Variants in SNAI1 observed in about 807,000 individuals in gnomAD.
SNAI1 encodes the protein zinc finger protein SNAI1.
In SNAI1, 15 loss-of-function variants were observed where a neutral mutation model predicts 24.7. That is an observed-to-expected ratio of 0.61 (90% CI 0.41 to 0.93). The LOEUF (loss-of-function observed/expected upper bound fraction) is 0.93, where lower values mean the gene tolerates loss of function less well. SNAI1 is among the 40% of genes least tolerant of loss of function. The pLI is 0.00. For missense variants in SNAI1, 283 were observed against 336.7 expected (o/e 0.84, Z 1.25); for synonymous variants, 163 against 142.9 (o/e 1.14, Z -1.00).
rs145342464 is a variant in SNAI1 at position 49,983,137 on chromosome 20, T to C, written c.78T>C (p.Asn26=). 6 of 1,612,424 alleles carry C rather than the reference T, an allele frequency of 3.7e-6. No individual in the cohort carries two copies. The highest frequency in any genetic ancestry group is 4.2e-6 in the Non-Finnish European group (5 of 1,179,012). The change falls in exon 1 of 3, where the codon AAT becomes AAC. Residue 26 remains asparagine, a synonymous_variant. Coordinates refer to ENST00000244050, the MANE Select transcript of SNAI1 (RefSeq NM_005985.4). The stretch of plus-strand genomic sequence containing the variant: ...ACTACAGCGAGCTGCAGGACTCTAA[T>C]CCAGGTGCGTTGGAGGGGTTCTGGG... ...KPNYSELQDS[N]PEFTFQQPYD...
At chr20:49,985,940 C>T (rs954477181) in intron 2 of SNAI1, among the ~76,000 whole-genome samples, 1 of 152,192 alleles carries the variant, frequency 6.6e-6, no homozygotes, top group Non-Finnish European at 1.5e-5. Flanking sequence ...TGCACACAGC[C>T]CCCGCCCCCA....
rs372650135 is a variant in SNAI1 at position 49,987,827 on chromosome 20, C to T, written c.611-45C>T. 2.4e-4 allele frequency: 381 copies of T among 1,575,092 alleles called. No homozygotes were observed. In the South Asian group the frequency reaches 3.5e-3, roughly 15 times the overall value. ...GGGAGGGATTCCCATCACTGCCAGC[C>T]GTTGTCCCACGGCTCACTCGGCCTT... On this transcript the variant is annotated intron_variant, in intron 2 of 2. Coordinates refer to ENST00000244050, the MANE Select transcript of SNAI1 (RefSeq NM_005985.4).
rs2078326927 is a variant in SNAI1, at chr20:49,984,220, A to G, written c.479A>G (p.Asn160Ser). 2.5e-6 allele frequency: 4 copies of G among 1,614,228 alleles called. No individual in the cohort carries two copies. Among genetic ancestry groups the G allele is most frequent in the African/African-American group, 1.3e-5 (1 of 75,066 alleles). The change falls in exon 2 of 3, where the codon AAC (asparagine) becomes AGC (serine). Residue 160 changes from asparagine (N) to serine (S), a missense_variant. Asn to Ser is a conservative substitution (Grantham distance 46). Transcript: ENST00000244050. ...ARKAFNCKYCNKEYLSLGALK... is the reference protein window; with the variant it reads ...ARKAFNCKYCSKEYLSLGALK... ...AAGGCCTTCAACTGCAAATACTGCA[A>G]CAAGGAATACCTCAGCCTGGGTGCC...
chr20:49,988,160 T>C lies in SNAI1; in HGVS notation c.*104T>C, dbSNP rs2078340281. 9.7e-7 allele frequency: 1 copy of C among 1,030,534 alleles called. No homozygotes were observed. Among genetic ancestry groups the C allele is most frequent in the Non-Finnish European group, 1.4e-6 (1 of 712,522 alleles). The allele number at this position is 1,030,534 out of a possible 1,614,324, so 63.8% of individuals were successfully genotyped here. ...TCCTTCTCACTGCCATGGAATTCCC[T>C]CCTGAGTGCCCCACTTCTGGCCACA... On this transcript the variant is annotated 3_prime_UTR_variant, in exon 3 of 3. Transcript: ENST00000244050.
At chr20:49,984,750 TTC>T (rs2078328743) in intron 2 of SNAI1, among the ~76,000 whole-genome samples, 2 of 152,264 alleles carry the variant, frequency 1.3e-5, no homozygotes, top group Non-Finnish European at 2.9e-5. Context: ...TTTGAGAACT[TTC>T]TCAAAACTTA....
rs1383387764 is a variant in SNAI1 at position 49,987,879 on chromosome 20, G to A, written c.618G>A (p.Lys206=). The change falls in exon 3 of 3, where the codon AAG becomes AAA. Residue 206 remains lysine, a synonymous_variant. Coordinates refer to ENST00000244050, the MANE Select transcript of SNAI1 (RefSeq NM_005985.4). ...QGHVRTHTGE[K]PFSCPHCSRA... ...CTGGCGTTCTCTCCCCAGGCGAGAA[G>A]CCCTTCTCCTGTCCCCACTGCAGCC... The A allele has an allele frequency of 1.2e-6, 2 of 1,613,898 alleles. No individual in the cohort carries two copies. Among genetic ancestry groups the A allele is most frequent in the African/African-American group, 1.3e-5 (1 of 74,910 alleles).
rs778997862 is a variant in SNAI1 at position 49,983,950 on chromosome 20, A to C, written c.209A>C (p.Gln70Pro). ...GACTCTGTCCTGGCGCCCCAAGCCCAGCCAATTGCCTGGGCCTCCCTTCGG... is the reference window on the plus strand; with the variant it reads ...GACTCTGTCCTGGCGCCCCAAGCCCCGCCAATTGCCTGGGCCTCCCTTCGG... ...IWDSVLAPQA[Q>P]PIAWASLRLQ... Residue 70 changes from glutamine to proline, a missense_variant, in exon 2 of 3, where the codon CAG becomes CCG. Gln to Pro is a moderately conservative substitution (Grantham distance 76). Coordinates refer to ENST00000244050, the MANE Select transcript of SNAI1 (RefSeq NM_005985.4). 133 of 1,613,098 alleles carry C rather than the reference A, an allele frequency of 8.2e-5. No individual in the cohort carries two copies. The highest frequency in any genetic ancestry group is 1.1e-4 in the Non-Finnish European group (129 of 1,179,872).
At position 49,988,422 on chromosome 20, in the gene SNAI1, C is replaced by G. The variant is rs2078341115; in HGVS notation, c.*366C>G. On this transcript the variant is annotated 3_prime_UTR_variant, in exon 3 of 3. Transcript: ENST00000244050. ...CTCACTGGGAAGCTCCCACCCCACT[C>G]AGGGGACCCCACTCCCCTCACACAC... 1 of 183,220 alleles carries G rather than the reference C, an allele frequency of 5.5e-6. No homozygotes were observed. Among genetic ancestry groups the G allele is most frequent in the South Asian group, 1.7e-4 (1 of 5,890 alleles). 11.3% of individuals were successfully genotyped at this position (183,220 alleles called of 1,614,324 possible).
Position 49,988,061 on chromosome 20 carries a change from C to T in SNAI1, c.*5C>T, listed in dbSNP as rs371503562. Reference sequence around the variant, plus strand: ...TGCTCAGGATGTCCCCGCTGACCCTCGAGGCTCCCTCTTCCTCTCCATACC... The same window carrying T: ...TGCTCAGGATGTCCCCGCTGACCCTTGAGGCTCCCTCTTCCTCTCCATACC... On this transcript the variant is annotated 3_prime_UTR_variant, in exon 3 of 3. Transcript: ENST00000244050. The T allele has an allele frequency of 1.5e-5, 24 of 1,583,648 alleles. No individual in the cohort carries two copies. Among genetic ancestry groups the T allele is most frequent in the Admixed American group, 8.6e-5 (5 of 58,308 alleles).
At chr20:49,984,484 G>A in intron 2 of SNAI1, 133 bp downstream of exon 2, 1 of 940,180 alleles carries the variant, frequency 1.1e-6, no homozygotes, top group African/African-American at 1.7e-5. Flanking sequence ...AAGTTCCAGG[G>A]CCTGGCTCTC....
chr20:49,985,010 TAG>T (rs11470421), intron 2 of SNAI1, among the ~76,000 whole-genome samples: 42,323 of 151,964 alleles, frequency 0.28, 9,776 homozygotes, highest in African/African-American at 0.64. Flanking sequence ...GCATATGTTT[TAG>T]AGAGTGGCTG....
At chr20:49,984,592 C>G (rs1017887381) in intron 2 of SNAI1, among the ~76,000 whole-genome samples, 2 of 152,320 alleles carry the variant, frequency 1.3e-5, no homozygotes, top group Non-Finnish European at 2.9e-5. Context: ...CCAAATGGGT[C>G]GGAGCTGGAT....
chr20:49,988,511 C>T lies in SNAI1; in HGVS notation c.*455C>T, dbSNP rs1163737809. Reference sequence around the variant, plus strand: ...GTGTGACTAACTATGCAATAATCCACCCCCAGGTGCAGCCCCAGGGCCTGC... The same window carrying T: ...GTGTGACTAACTATGCAATAATCCATCCCCAGGTGCAGCCCCAGGGCCTGC... On this transcript the variant is annotated 3_prime_UTR_variant, in exon 3 of 3. Transcript: ENST00000244050. The T allele has an allele frequency of 6.5e-6, 1 of 155,002 alleles. No individual in the cohort carries two copies. Among genetic ancestry groups the T allele is most frequent in the East Asian group, 1.9e-4 (1 of 5,230 alleles). 9.6% of individuals were successfully genotyped at this position (155,002 alleles called of 1,614,324 possible).
rs908862472 is a variant in SNAI1 at position 49,988,292 on chromosome 20, G to C, written c.*236G>C. ...CATTTCTGTGGAGGGAGGGCAGCTG[G>C]CCCCCAGCCCTGGGGGATTCCTGAG... On this transcript the variant is annotated 3_prime_UTR_variant, in exon 3 of 3. Coordinates refer to ENST00000244050, the MANE Select transcript of SNAI1 (RefSeq NM_005985.4). The C allele has an allele frequency of 9.1e-5, 46 of 503,116 alleles. No homozygotes were observed. In the Middle Eastern group the frequency reaches 1.5e-3, roughly 17 times the overall value. The allele number at this position is 503,116 out of a possible 1,614,324, so 31.2% of individuals were successfully genotyped here.
At chr20:49,983,182 G>A in intron 1 of SNAI1, 41 bp downstream of exon 1, 2 of 1,505,360 alleles carry the variant, frequency 1.3e-6, no homozygotes, top group Non-Finnish European at 1.8e-6. Flanking sequence ...GTTTGGGGGA[G>A]ACAGGCGAAG....
At position 49,983,862 on chromosome 20, in the gene SNAI1, C is replaced by G; in HGVS notation, c.121C>G (p.Leu41Val). Residue 41 changes from leucine (L) to valine (V), a missense_variant, in exon 2 of 3, where the codon CTG becomes GTG. Leu to Val is a conservative substitution (Grantham distance 32, BLOSUM62 1). Transcript: ENST00000244050. ...FQQPYDQAHLLAAIPPPEILN... is the reference protein window; with the variant it reads ...FQQPYDQAHLVAAIPPPEILN... ...GCAGCCCTACGACCAGGCCCACCTG[C>G]TGGCAGCCATCCCACCTCCGGAGAT... 1 of 1,610,032 alleles carries G rather than the reference C, an allele frequency of 6.2e-7. No individual in the cohort carries two copies. Among genetic ancestry groups the G allele is most frequent in the South Asian group, 1.1e-5 (1 of 90,792 alleles).
At chr20:49,987,793 G>A in intron 2 of SNAI1, 79 bp from the exon 3 acceptor site, 1 of 1,306,210 alleles carries the variant, frequency 7.7e-7, no homozygotes. Flanking sequence ...TCAGGGTTTG[G>A]GGTATGCGGG....
Position 49,984,158 on chromosome 20 carries a change from G to A in SNAI1, c.417G>A (p.Leu139=), listed in dbSNP as rs763455595. ...GCTTGGGCCAAGTGCCCAAGCAGCT[G>A]GCCCAGCTCTCTGAGGCCAAGGATC... The part of the protein sequence containing the change: ...FPGLGQVPKQ[L]AQLSEAKDLQ... Residue 139 remains leucine, a synonymous_variant, in exon 2 of 3, where the codon CTG becomes CTA. Coordinates refer to ENST00000244050, the MANE Select transcript of SNAI1 (RefSeq NM_005985.4). 6.2e-7 allele frequency: 1 copy of A among 1,614,246 alleles called. No homozygotes were observed. The highest frequency in any genetic ancestry group is 2.2e-5 in the East Asian group (1 of 44,890).
At chr20:49,985,193 A>G (rs1022323098) in intron 2 of SNAI1, among the ~76,000 whole-genome samples, 1 of 152,206 alleles carries the variant, frequency 6.6e-6, no homozygotes, top group African/African-American at 2.4e-5. Flanking sequence ...CTTTCTGGAC[A>G]TGGAGAAAAG....
Sources: allele counts gnomAD v4.1 joint callset (sites outside exome capture counted in the v4.1 genomes callset), GRCh38; gene constraint gnomAD v4.1.1; transcripts MANE v1.5; gene names NCBI Gene and HGNC (gene_info 2026-07-23, HGNC 2026-07-21).